Variants in SHC4 observed in about 807,000 individuals in gnomAD.
The protein encoded by SHC4 is SHC-transforming protein 4.
SHC4 carries 41 observed loss-of-function variants against 69.4 expected under a neutral mutation model. The ratio of observed to expected loss-of-function variants is 0.59; its 90% CI spans 0.46 to 0.77. The LOEUF (loss-of-function observed/expected upper bound fraction) is 0.77. Among genes scored for constraint, SHC4 ranks in the 30% least tolerant of loss-of-function variants. The pLI is 0.00. For missense variants in SHC4, 777 were observed against 783.8 expected (o/e 0.99, Z 0.10); for synonymous variants, 318 against 299.3 (o/e 1.06, Z -0.64).
intron 2 of SHC4, 65 bp downstream of exon 2, chr15:48,924,814 G>A: frequency 6.5e-7 from 1 of 1,533,870 alleles, no homozygotes; most frequent in Admixed American, 1.7e-5. Context: ...TAAAATTCCT[G>A]TGGGAGAAAT....
rs759943906 is a variant in SHC4, at chr15:48,851,197, T to G, written c.1294A>C (p.Arg432=). Residue 432 remains arginine (R), a synonymous_variant, in exon 9 of 12, where the codon AGG becomes CGG. Coordinates refer to ENST00000332408, the MANE Select transcript of SHC4 (RefSeq NM_203349.4). ...SVYENCLEQS[R]AIGNVHPRGV... is the part of the protein sequence containing the mutation. Reference sequence around the variant, plus strand: ...AGGGCATTGTACCTACCTATTGCCCTGCTTTGTTCTAAACAGTTCTCATAT... The same window carrying G: ...AGGGCATTGTACCTACCTATTGCCCGGCTTTGTTCTAAACAGTTCTCATAT... 5 of 1,614,082 alleles carry G rather than the reference T, an allele frequency of 3.1e-6. No individual in the cohort carries two copies.
intron 8 of SHC4, among the ~76,000 whole-genome samples, chr15:48,853,244 A>C (rs1203856924): frequency 2.0e-5 from 3 of 152,158 alleles, no homozygotes; most frequent in African/African-American, 7.2e-5. Flanking sequence ...ACCAAAATAT[A>C]ATAAAATAAA....
intron 11 of SHC4, among the ~76,000 whole-genome samples, chr15:48,827,561 G>C (rs1266874388): frequency 2.2e-5 from 1 of 44,894 alleles, no homozygotes; most frequent in South Asian, 8.7e-4. Flanking sequence ...TTCTGCCTCA[G>C]GCTGTCACTA....
chr15:48,962,201 A>G (rs561886257), intron 1 of SHC4, among the ~76,000 whole-genome samples: 1 of 152,284 alleles, frequency 6.6e-6, no homozygotes, highest in South Asian at 2.1e-4. Context: ...TTCATGTCCT[A>G]CAAGTTAGCA....
chr15:48,878,206 G>A lies in SHC4; in HGVS notation c.840+6042C>T, dbSNP rs187443721. 1.1e-5 allele frequency: 17 copies of A among 1,587,362 alleles called. No homozygotes were observed. In the African/African-American group the frequency reaches 2.1e-4, roughly 20 times the overall value. ...CGGAAATGGCTGAGTTGTCCGAGCT[G>A]TATGAAGAGAGCAGTGACCTGCAGA... On this transcript the variant is annotated intron_variant, in intron 4 of 11. Coordinates refer to ENST00000332408, the MANE Select transcript of SHC4 (RefSeq NM_203349.4).
chr15:48,962,519 G>C lies in SHC4; in HGVS notation c.497C>G (p.Pro166Arg), dbSNP rs1901560445. Residue 166 changes from proline to arginine, a missense_variant, in exon 1 of 12, where the codon CCT (proline) becomes CGT (arginine). Coordinates refer to ENST00000332408, the MANE Select transcript of SHC4 (RefSeq NM_203349.4). ...TALTPDSCPL[P>R]GPGEPTLRSR... Reference sequence around the variant, plus strand: ...CCTAAGTGTTGGCTCCCCAGGGCCAGGAAGCGGGCACGAATCAGGGGTTAG... The same window carrying C: ...CCTAAGTGTTGGCTCCCCAGGGCCACGAAGCGGGCACGAATCAGGGGTTAG... The C allele has an allele frequency of 6.3e-7, 1 of 1,585,950 alleles. No homozygotes were observed. The highest frequency in any genetic ancestry group is 1.2e-5 in the South Asian group (1 of 86,234).
Position 48,857,774 on chromosome 15 carries a change from C to T in SHC4, c.988G>A (p.Val330Ile), listed in dbSNP as rs750501533. ...AAAGCCTGCCCTATGGTACTTATGA[C>T]GTCTTGGGCCATTCCATTGTGGCAT... is the stretch of plus-strand genomic sequence containing the variant. ...LECHNGMAQD[V>I]ISTIGQAFEL... Residue 330 changes from valine to isoleucine, a missense_variant, in exon 7 of 12, where the codon GTC becomes ATC. By Grantham distance (29) the Val-to-Ile change is conservative. Coordinates refer to ENST00000332408, the MANE Select transcript of SHC4 (RefSeq NM_203349.4). 4.8e-5 allele frequency: 77 copies of T among 1,594,536 alleles called. No homozygotes were observed. The highest frequency in any genetic ancestry group is 8.5e-5 in the Admixed American group (5 of 58,762).
At chr15:48,935,200 A>T (rs1289074155) in intron 1 of SHC4, among the ~76,000 whole-genome samples, 1 of 152,222 alleles carries the variant, frequency 6.6e-6, no homozygotes, top group African/African-American at 2.4e-5. Flanking sequence ...GTATGAATGG[A>T]TGAATAATGG....
chr15:48,911,538 G>A (rs1477585235), intron 2 of SHC4, among the ~76,000 whole-genome samples: 2 of 152,172 alleles, frequency 1.3e-5, no homozygotes, highest in Non-Finnish European at 2.9e-5. Context: ...TGTCTTTTAA[G>A]TGGAGCATTT....
chr15:48,913,929 C>T (rs1433262682), intron 2 of SHC4, among the ~76,000 whole-genome samples: 1 of 152,202 alleles, frequency 6.6e-6, no homozygotes, highest in African/African-American at 2.4e-5. Flanking sequence ...ACTTCCGCAT[C>T]TGGGGCACTC....
intron 2 of SHC4, among the ~76,000 whole-genome samples, chr15:48,897,508 CCACA>C (rs57034071): frequency 0.012 from 1,701 of 142,896 alleles, 16 homozygotes; most frequent in Non-Finnish European, 0.019. Flanking sequence ...AGCAATGTCG[CCACA>C]CACACACACA....
intron 2 of SHC4, among the ~76,000 whole-genome samples, chr15:48,921,937 G>C (rs1262623714): frequency 6.6e-5 from 10 of 152,080 alleles, no homozygotes; most frequent in Admixed American, 6.5e-4. Flanking sequence ...AAAAATACTG[G>C]AAATGGATTT....
At chr15:48,838,330 T>C (rs1438039457) in intron 10 of SHC4, among the ~76,000 whole-genome samples, 1 of 152,218 alleles carries the variant, frequency 6.6e-6, no homozygotes, top group African/African-American at 2.4e-5. Flanking sequence ...AAAAGGACCA[T>C]GAGTATTGAT....
chr15:48,835,907 A>G (rs1898889041), intron 10 of SHC4, among the ~76,000 whole-genome samples: 1 of 150,662 alleles, frequency 6.6e-6, no homozygotes, highest in Non-Finnish European at 1.5e-5. Context: ...GCCAGACAGG[A>G]TGGCTCATGC....
chr15:48,897,424 A>G (rs950174125), intron 2 of SHC4, among the ~76,000 whole-genome samples: 1 of 151,678 alleles, frequency 6.6e-6, no homozygotes, highest in African/African-American at 2.4e-5. Context: ...TTCTTCATCA[A>G]CTCCTGGCCA....
intron 1 of SHC4, among the ~76,000 whole-genome samples, chr15:48,953,555 T>C (rs1035836674): frequency 4.6e-5 from 7 of 152,162 alleles, no homozygotes; most frequent in African/African-American, 1.7e-4. Context: ...TTCCTCTCCA[T>C]CTACCCACTC....
At position 48,961,099 on chromosome 15, in the gene SHC4, T is replaced by C. The variant is rs967793806; in HGVS notation, c.585+1332A>G. 2.6e-5 allele frequency among the ~76,000 whole-genome samples: 4 copies of C among 152,208 alleles called. No individual in the cohort carries two copies. In the East Asian group the frequency reaches 7.7e-4, roughly 29 times the overall value. ...TACCATTCACCTCCTTTCTCTCCTCTCCACCTTAATCAGTGTTCTCATTGC... is the reference window on the plus strand; with the variant it reads ...TACCATTCACCTCCTTTCTCTCCTCCCCACCTTAATCAGTGTTCTCATTGC... On this transcript the variant is annotated intron_variant, in intron 1 of 11. Transcript: ENST00000332408.
chr15:48,836,782 GT>G (rs751858096), intron 10 of SHC4, among the ~76,000 whole-genome samples: 13 of 152,234 alleles, frequency 8.5e-5, no homozygotes, highest in Admixed American at 6.5e-4. Flanking sequence ...ATACGTTATA[GT>G]TTTGTCCCTA....
rs139750478 is a variant in SHC4, at chr15:48,905,550, G to T, written c.657-14739C>A. ...ATCAAAATCAAAATTAGAAATCCAG[G>T]CTTAAGGAAAGCAAAAAGGGGCCAC... On this transcript the variant is annotated intron_variant, in intron 2 of 11. Transcript: ENST00000332408. Among the ~76,000 whole-genome samples, 4 of 152,268 alleles carry T rather than the reference G, an allele frequency of 2.6e-5. No individual in the cohort carries two copies. The East Asian group carries it at 5.8e-4, about 22-fold the overall frequency.
Sources: gnomAD v4.1 joint callset for allele counts (sites outside exome capture counted in the v4.1 genomes callset) on GRCh38, gnomAD v4.1.1 for gene constraint, MANE v1.5 for transcripts, NCBI Gene and HGNC (gene_info 2026-07-23, HGNC 2026-07-21) for gene names.